The following MAST3 variants were observed in gnomAD, a reference collection of about 807,000 sequenced individuals.
MAST3 encodes microtubule-associated serine/threonine-protein kinase 3.
A neutral mutation model predicts 127.0 loss-of-function variants in MAST3; 43 were observed. The ratio of observed to expected loss-of-function variants is 0.34; its 90% CI spans 0.27 to 0.44. The LOEUF (loss-of-function observed/expected upper bound fraction) is 0.44, where lower values mean the gene tolerates loss of function less well. Ranked by LOEUF, MAST3 falls within the 20% of genes least tolerant of loss-of-function variation. The pLI, the probability that MAST3 is intolerant of heterozygous loss-of-function variation, is 1.00. For missense variants in MAST3, 1,390 were observed against 1,919.1 expected (o/e 0.72, Z 5.15); for synonymous variants, 785 against 809.2 (o/e 0.97, Z 0.51).
intron 14 of MAST3, 70 bp from the exon 15 acceptor site, chr19:18,131,839 G>A (rs1176356561): frequency 1.3e-6 from 2 of 1,495,746 alleles, no homozygotes; most frequent in Non-Finnish European, 1.8e-6. Context: ...TAGGCATTGG[G>A]CATAACCTAA....
intron 21 of MAST3, among the ~76,000 whole-genome samples, chr19:18,142,509 A>G (rs1030763715): frequency 6.6e-6 from 1 of 150,550 alleles, no homozygotes; most frequent in Non-Finnish European, 1.5e-5. Flanking sequence ...CTGCCACCAC[A>G]CCCGGCTAAT....
Position 18,146,867 on chromosome 19 carries a change from C to G in MAST3, c.3163-14C>G. 6.5e-7 allele frequency: 1 copy of G among 1,542,060 alleles called. No homozygotes were observed. Reference sequence around the variant, plus strand: ...GAGAGGCACAGAGGCAACCCCTCACCATCCCTCCCGCAGAGCGGCAACAAG... The same window carrying G: ...GAGAGGCACAGAGGCAACCCCTCACGATCCCTCCCGCAGAGCGGCAACAAG... On this transcript the variant is annotated splice_polypyrimidine_tract_variant and intron_variant, in intron 25 of 27. Coordinates refer to ENST00000687212, the MANE Select transcript of MAST3 (RefSeq NM_001393504.1).
rs375981013 is a variant in MAST3, at chr19:18,145,120, G to A, written c.2930G>A (p.Arg977Gln). 4.8e-5 allele frequency: 78 copies of A among 1,613,690 alleles called. No individual in the cohort carries two copies. The highest frequency in any genetic ancestry group is 5.8e-5 in the Non-Finnish European group (69 of 1,179,882). ...RDPSPVCGSL[R>Q]PPIVIHSSGK... ...CCGTCCCCCGTGTGTGGCAGCCTGC[G>A]GCCCCCCATCGTTATCCACAGCTCT... is the stretch of plus-strand genomic sequence containing the variant. Residue 977 changes from arginine to glutamine, a missense_variant, in exon 24 of 28, where the codon CGG becomes CAG. Around this residue, in one of 5 missense-constraint regions of MAST3, gnomAD observed 816 missense variants for 934.1 expected, o/e 0.87. Transcript: ENST00000687212. The surrounding 1 kb of genome is among the most constrained non-coding windows in gnomAD (Gnocchi z 5.9).
chr19:18,110,059 G>A lies in MAST3; in HGVS notation c.72-593G>A. The A allele has an allele frequency of 2.0e-6, 2 of 985,300 alleles. No individual in the cohort carries two copies. The highest frequency in any genetic ancestry group is 2.4e-6 in the Non-Finnish European group (2 of 829,888). 61.0% of individuals were successfully genotyped at this position (985,300 alleles called of 1,614,324 possible). ...CCCTGCGGCAGACAGGGCGGCACCC[G>A]CGGCTCCCCTTTCCCGCTGCGCGAC... is the stretch of plus-strand genomic sequence containing the variant. On this transcript the variant is annotated intron_variant, in intron 2 of 27. Coordinates refer to ENST00000687212, the MANE Select transcript of MAST3 (RefSeq NM_001393504.1). The surrounding 1 kb of genome is among the most constrained non-coding windows in gnomAD (Gnocchi z 4.3).
Position 18,145,225 on chromosome 19 carries a change from T to C in MAST3, c.3035T>C (p.Val1012Ala). 6.2e-7 allele frequency: 1 copy of C among 1,612,952 alleles called. No homozygotes were observed. Among genetic ancestry groups the C allele is most frequent in the Non-Finnish European group, 8.5e-7 (1 of 1,179,094 alleles). The change falls in exon 24 of 28, where the codon GTC becomes GCC. Residue 1012 changes from valine to alanine, a missense_variant. Val to Ala is a moderately conservative substitution (Grantham distance 64). Around this residue, in one of 5 missense-constraint regions of MAST3, gnomAD observed 816 missense variants for 934.1 expected, o/e 0.87. Coordinates refer to ENST00000687212, the MANE Select transcript of MAST3 (RefSeq NM_001393504.1). The surrounding 1 kb of genome is among the most constrained non-coding windows in gnomAD (Gnocchi z 5.9). Reference protein sequence around the residue: ...DSDVYTVHHVVWSVEDGSPAQ... With the variant: ...DSDVYTVHHVAWSVEDGSPAQ... ...GACGTCTACACTGTGCACCACGTCG[T>C]CTGGGTGAGTGCCGAGTGGGAATGG... is the stretch of plus-strand genomic sequence containing the variant.
intron 1 of MAST3, among the ~76,000 whole-genome samples, chr19:18,100,613 C>T (rs1238548009): frequency 6.6e-6 from 1 of 152,154 alleles, no homozygotes; most frequent in Non-Finnish European, 1.5e-5. Flanking sequence ...TCCCAACAGC[C>T]CGAGTGGTCA....
In MAST3 at chr19:18,123,593, A is replaced by G; in HGVS notation, c.571A>G (p.Thr191Ala). ...TCTTCCTTTCAGCCCGGGCCGTGCA[A>G]CGGGGACCTTCGACAATGAGATTGT... ...RSRSLSPGRA[T>A]GTFDNEIVMM... The change falls in exon 8 of 28, where the codon ACG (threonine) becomes GCG (alanine). Residue 191 changes from threonine (T) to alanine (A), a missense_variant. This residue lies in a region of MAST3 where 277 missense variants were observed against 384.8 expected (regional missense o/e 0.72). Transcript: ENST00000687212. 1 of 1,588,812 alleles carries G rather than the reference A, an allele frequency of 6.3e-7. No individual in the cohort carries two copies. Among genetic ancestry groups the G allele is most frequent in the East Asian group, 2.3e-5 (1 of 44,444 alleles).
Position 18,142,027 on chromosome 19 carries a change from G to C in MAST3, c.2339+12G>C, listed in dbSNP as rs771068850. 2.7e-6 allele frequency: 4 copies of C among 1,456,606 alleles called. No individual in the cohort carries two copies. Among genetic ancestry groups the C allele is most frequent in the Non-Finnish European group, 3.7e-6 (4 of 1,089,386 alleles). 90.2% of individuals were successfully genotyped at this position (1,456,606 alleles called of 1,614,324 possible). On this transcript the variant is annotated intron_variant, in intron 21 of 27. Transcript: ENST00000687212. ...AGTGCTGACATCCGGTAAGTGGCCTGGGGAAGTGTAGGCAGATCCAGCTTC... is the reference window on the plus strand; with the variant it reads ...AGTGCTGACATCCGGTAAGTGGCCTCGGGAAGTGTAGGCAGATCCAGCTTC...
At chr19:18,131,747 C>T (rs1460983626) in intron 14 of MAST3, among the ~76,000 whole-genome samples, 162 bp from the exon 15 acceptor site, 1 of 152,190 alleles carries the variant, frequency 6.6e-6, no homozygotes, top group Non-Finnish European at 1.5e-5. Context: ...GTAGGGTCCG[C>T]CCCTTCCCTC....
rs1439031862 is a variant in MAST3 at position 18,145,071 on chromosome 19, C to T, written c.2881C>T (p.Arg961Cys). 3.7e-6 allele frequency: 6 copies of T among 1,612,778 alleles called. No individual in the cohort carries two copies. Among genetic ancestry groups the T allele is most frequent in the African/African-American group, 1.3e-5 (1 of 74,866 alleles). ...PRSLSSNPSS[R>C]DSSPSRDPSP... ...CTCTCTGTCCTCGAACCCGTCGTCC[C>T]GTGACTCTTCGCCGAGCCGAGACCC... The change falls in exon 24 of 28, where the codon CGT becomes TGT. Residue 961 changes from arginine to cysteine, a missense_variant. By Grantham distance (180) the Arg-to-Cys change is radical. This residue lies in a region of MAST3 where 816 missense variants were observed against 934.1 expected (regional missense o/e 0.87). Coordinates refer to ENST00000687212, the MANE Select transcript of MAST3 (RefSeq NM_001393504.1). The surrounding 1 kb of genome is among the most constrained non-coding windows in gnomAD (Gnocchi z 5.9).
Position 18,110,899 on chromosome 19 carries a change from C to T in MAST3, c.161+158C>T, listed in dbSNP as rs1280748380. 6.6e-6 allele frequency among the ~76,000 whole-genome samples: 1 copy of T among 152,180 alleles called. No individual in the cohort carries two copies. The highest frequency in any genetic ancestry group is 6.5e-5 in the Admixed American group (1 of 15,282). Reference sequence around the variant, plus strand: ...CCCTCCACATAATGGCACTGCGATACGTTCTAGGGGCTTAATGGGAAAATT... The same window carrying T: ...CCCTCCACATAATGGCACTGCGATATGTTCTAGGGGCTTAATGGGAAAATT... On this transcript the variant is annotated intron_variant, in intron 3 of 27. Coordinates refer to ENST00000687212, the MANE Select transcript of MAST3 (RefSeq NM_001393504.1). The surrounding 1 kb of genome is among the most constrained non-coding windows in gnomAD (Gnocchi z 4.3).
At chr19:18,111,529 A>ATTTTT (rs2038620596) in intron 3 of MAST3, among the ~76,000 whole-genome samples, 3 of 83,736 alleles carry the variant, frequency 3.6e-5, no homozygotes, top group African/African-American at 1.3e-4. Flanking sequence ...CTTTCCACAG[A>ATTTTT]CTTTTTTTTT....
At chr19:18,134,742 G>A in intron 16 of MAST3, 31 bp downstream of exon 16, 8 of 1,613,162 alleles carry the variant, frequency 5.0e-6, no homozygotes, top group Non-Finnish European at 5.9e-6. Context: ...GCAGCCCCGG[G>A]ATGCCTCCTC....
At chr19:18,122,616 C>A (rs2040132393) in intron 5 of MAST3, 57 bp from the exon 6 acceptor site, 4 of 1,450,442 alleles carry the variant, frequency 2.8e-6, no homozygotes, top group Non-Finnish European at 3.8e-6. Flanking sequence ...TGTTCTTAGT[C>A]CCCACAAACC....
intron 1 of MAST3, among the ~76,000 whole-genome samples, chr19:18,101,630 C>T (rs1320611182): frequency 6.6e-6 from 1 of 152,100 alleles, no homozygotes; most frequent in East Asian, 1.9e-4. Flanking sequence ...CCTCTTCTCC[C>T]TTTGAGTCTC....
intron 17 of MAST3, 108 bp from the exon 18 acceptor site, chr19:18,135,632 C>A: frequency 1.2e-6 from 1 of 817,486 alleles, no homozygotes; most frequent in South Asian, 1.6e-5. Context: ...GCAGAGGAGG[C>A]CAGTGGCTTG....
In MAST3 at chr19:18,122,784, G is replaced by A. The variant is rs993611804; in HGVS notation, c.399+33G>A. 7.5e-6 allele frequency: 12 copies of A among 1,598,622 alleles called. No homozygotes were observed. In the African/African-American group the frequency reaches 1.3e-4, roughly 18 times the overall value. On this transcript the variant is annotated intron_variant, in intron 6 of 27. Transcript: ENST00000687212. ...TAGCCCCACCTTGGCAGGTGGACAG[G>A]CAGATGCCGGGTTGTGGGGGGACAC...
intron 21 of MAST3, among the ~76,000 whole-genome samples, chr19:18,142,230 GCA>G (rs2042568905): frequency 6.6e-6 from 1 of 152,060 alleles, no homozygotes; most frequent in Non-Finnish European, 1.5e-5. Context: ...ATGCTGCTAG[GCA>G]CACTTTTCCT....
At chr19:18,118,649 C>T (rs2039592343) in intron 3 of MAST3, among the ~76,000 whole-genome samples, 1 of 152,182 alleles carries the variant, frequency 6.6e-6, no homozygotes, top group Non-Finnish European at 1.5e-5. Context: ...CTGCACGAGG[C>T]TGGCATTTGG....
Sources: gnomAD v4.1 joint callset for allele counts (sites outside exome capture counted in the v4.1 genomes callset) on GRCh38, gnomAD v4.1.1 for gene constraint, gnomAD v4.1.1 regional missense constraint, Gnocchi (gnomAD v3.1) non-coding constraint, MANE v1.5 for transcripts, NCBI Gene and HGNC (gene_info 2026-07-23, HGNC 2026-07-21) for gene names.